The following TAF4 variants were observed in gnomAD, a reference collection of about 807,000 sequenced individuals.
TAF4 encodes the protein TATA-box binding protein associated factor 4.
TAF4 carries 9 observed loss-of-function variants against 90.3 expected under a neutral mutation model. The observed-to-expected ratio is 0.10, with a 90% CI of 0.06 to 0.17. The LOEUF (loss-of-function observed/expected upper bound fraction) is 0.17, where lower values mean the gene tolerates loss of function less well. Ranked by LOEUF, TAF4 falls within the 10% of genes least tolerant of loss-of-function variation. The pLI, the probability that TAF4 is intolerant of heterozygous loss-of-function variation, is 1.00. For missense variants in TAF4, 1,351 were observed against 1,370.7 expected (o/e 0.99, Z 0.23); for synonymous variants, 818 against 638.9 (o/e 1.28, Z -4.23).
intron 1 of TAF4, among the ~76,000 whole-genome samples, chr20:62,062,399 TAC>T (rs1465798974): frequency 1.3e-5 from 2 of 152,268 alleles, no homozygotes; most frequent in East Asian, 3.9e-4. Context: ...GTTTTATTGA[TAC>T]TTTTTTTTTT....
intron 14 of TAF4, among the ~76,000 whole-genome samples, chr20:61,989,136 A>C (rs2055614882): frequency 6.6e-6 from 1 of 152,084 alleles, no homozygotes; most frequent in Non-Finnish European, 1.5e-5. Context: ...TCTCAACACG[A>C]ACACACAGGA....
At chr20:62,053,572 C>T (rs1254952543) in intron 1 of TAF4, among the ~76,000 whole-genome samples, 1 of 152,212 alleles carries the variant, frequency 6.6e-6, no homozygotes, top group Non-Finnish European at 1.5e-5. Context: ...CACCTCCGCC[C>T]GTCCACGCCG....
At chr20:62,062,184 G>A (rs111469052) in intron 1 of TAF4, among the ~76,000 whole-genome samples, 91 of 152,304 alleles carry the variant, frequency 6.0e-4, no homozygotes, top group African/African-American at 2.1e-3. Context: ...CCAAGCAAGA[G>A]TTATTTTTAT....
At chr20:62,054,458 G>T (rs774433121) in intron 1 of TAF4, among the ~76,000 whole-genome samples, 4 of 152,174 alleles carry the variant, frequency 2.6e-5, no homozygotes, top group Non-Finnish European at 5.9e-5. Context: ...TGCTACCTCT[G>T]CCATCGCTGC....
At chr20:62,011,621 C>G (rs901455320) in intron 3 of TAF4, among the ~76,000 whole-genome samples, 2 of 152,214 alleles carry the variant, frequency 1.3e-5, no homozygotes, top group African/African-American at 4.8e-5. Flanking sequence ...GCAGCTGCAG[C>G]CAGCCAGGAC....
At chr20:61,986,803 G>A (rs2055595279) in intron 14 of TAF4, among the ~76,000 whole-genome samples, 1 of 152,270 alleles carries the variant, frequency 6.6e-6, no homozygotes, top group East Asian at 1.9e-4. Context: ...GAATTAACAA[G>A]TGGGAAAAAT....
chr20:62,023,161 G>A lies in TAF4; in HGVS notation c.1361-8454C>T, dbSNP rs1056888880. On this transcript the variant is annotated intron_variant, in intron 1 of 14. Coordinates refer to ENST00000252996, the MANE Select transcript of TAF4 (RefSeq NM_003185.4). ...CAACACAACTGTAAAAAAAGGTCAG[G>A]CTGGCCGCAGTGGCTCACGCCTGTC... Among the ~76,000 whole-genome samples, 82 of 152,362 alleles carry A rather than the reference G, an allele frequency of 5.4e-4. 2 individuals carry two copies. The highest frequency in any genetic ancestry group is 5.1e-3 in the Admixed American group (78 of 15,306).
At chr20:62,047,093 G>A (rs28382008) in intron 1 of TAF4, among the ~76,000 whole-genome samples, 7 of 152,136 alleles carry the variant, frequency 4.6e-5, no homozygotes, top group African/African-American at 1.7e-4. Context: ...TGCCCTATTA[G>A]TTCATGCTAC....
intron 1 of TAF4, among the ~76,000 whole-genome samples, chr20:62,042,611 TC>T (rs143245622): frequency 0.025 from 3,738 of 152,168 alleles, 152 homozygotes; most frequent in African/African-American, 0.084. Context: ...GTCTGCACGC[TC>T]CCCTGCACGC....
chr20:61,995,044 CTT>C (rs1293682774), intron 14 of TAF4, among the ~76,000 whole-genome samples: 1 of 152,184 alleles, frequency 6.6e-6, no homozygotes, highest in African/African-American at 2.4e-5. Flanking sequence ...TCCCCAGATC[CTT>C]ACTGACAAAA....
intron 9 of TAF4, among the ~76,000 whole-genome samples, chr20:62,001,333 G>A (rs978657192): frequency 2.0e-5 from 3 of 152,188 alleles, no homozygotes; most frequent in South Asian, 2.1e-4. Flanking sequence ...CAGCTGCCAC[G>A]TCTTGTCCGG....
intron 14 of TAF4, among the ~76,000 whole-genome samples, chr20:61,990,069 T>C (rs891524890): frequency 3.3e-5 from 5 of 152,174 alleles, no homozygotes; most frequent in African/African-American, 9.7e-5. Flanking sequence ...GCAAGTGCTA[T>C]GCTGGGGGTG....
At chr20:62,016,453 C>T (rs2055812624) in intron 1 of TAF4, among the ~76,000 whole-genome samples, 2 of 152,248 alleles carry the variant, frequency 1.3e-5, no homozygotes, top group African/African-American at 4.8e-5. Flanking sequence ...ACTGGACTGG[C>T]TGAGTCCTCC....
intron 1 of TAF4, among the ~76,000 whole-genome samples, chr20:62,048,042 C>T (rs2056003583): frequency 6.6e-6 from 1 of 152,212 alleles, no homozygotes; most frequent in Non-Finnish European, 1.5e-5. Context: ...GCCTGGTCCC[C>T]CACCCAGAGT....
chr20:62,003,025 T>A, intron 9 of TAF4, 135 bp downstream of exon 9: 3 of 637,548 alleles, frequency 4.7e-6, no homozygotes, highest in Non-Finnish European at 8.2e-6. Context: ...AAAGTGAGCG[T>A]GAAGCAGGAG....
Position 61,999,031 on chromosome 20 carries a change from C to T in TAF4, c.2865G>A (p.Lys955=), listed in dbSNP as rs138584893. 33 of 1,614,124 alleles carry T rather than the reference C, an allele frequency of 2.0e-5. No homozygotes were observed. The African/African-American group carries it at 2.8e-4, about 14-fold the overall frequency. ...CCCGCTCCTGCTCATCCTTCCTCTG[C>T]TTTTCGATTTGATCAAGCTGTTCAA... is the stretch of plus-strand genomic sequence containing the variant. The part of the protein sequence containing the change: ...KFFEQLDQIE[K]QRKDEQEREI... The change falls in exon 12 of 15, where the codon AAG becomes AAA. Residue 955 remains lysine (K), a synonymous_variant. Transcript: ENST00000252996.
At chr20:62,003,026 G>A in intron 9 of TAF4, 134 bp downstream of exon 9, 2 of 643,620 alleles carry the variant, frequency 3.1e-6, no homozygotes, top group Non-Finnish European at 5.4e-6. Context: ...AAGTGAGCGT[G>A]AAGCAGGAGC....
rs539321554 is a variant in TAF4, at chr20:62,019,758, C to G, written c.1361-5051G>C. Among the ~76,000 whole-genome samples the G allele has an allele frequency of 4.6e-5, 7 of 152,348 alleles. No individual in the cohort carries two copies. The East Asian group carries it at 1.4e-3, about 29-fold the overall frequency. On this transcript the variant is annotated intron_variant, in intron 1 of 14. Coordinates refer to ENST00000252996, the MANE Select transcript of TAF4 (RefSeq NM_003185.4). ...TCCCACCCTCCCTGAGGAGAAACAC[C>G]AGGGTTCTTACCCCACACAACAGTT...
At chr20:62,060,405 C>T (rs1481027437) in intron 1 of TAF4, among the ~76,000 whole-genome samples, 1 of 152,234 alleles carries the variant, frequency 6.6e-6, no homozygotes, top group Non-Finnish European at 1.5e-5. Flanking sequence ...AAGAGCGTCA[C>T]AGGACCCCGA....
Sources: allele counts gnomAD v4.1 joint callset (sites outside exome capture counted in the v4.1 genomes callset), GRCh38; gene constraint gnomAD v4.1.1; transcripts MANE v1.5; gene names NCBI Gene and HGNC (gene_info 2026-07-23, HGNC 2026-07-21).